DEFB124: variants seen among roughly 807,000 people sequenced by gnomAD.
DEFB124 encodes beta-defensin 124.
For missense variants in DEFB124, 78 were observed against 83.1 expected, an observed-to-expected ratio of 0.94 and a Z score of 0.24; for synonymous variants, 38 against 36.5, an observed-to-expected ratio of 1.04 and a Z score of -0.15.
At chr20:31,466,237 A>G (rs1429952026) in intron 2 of DEFB124, among the ~76,000 whole-genome samples, 1 of 152,182 alleles carries the variant, frequency 6.6e-6, no homozygotes, top group Non-Finnish European at 1.5e-5. Flanking sequence ...TAACAGTGCT[A>G]TACGATTATA....
chr20:31,473,810 G>T lies in DEFB124; in HGVS notation c.-25-772C>A, dbSNP rs867551663. Among the ~76,000 whole-genome samples, 9 of 152,344 alleles carry T rather than the reference G, an allele frequency of 5.9e-5. 1 individual carries two copies. The Middle Eastern group carries it at 0.024, about 403-fold the overall frequency. On this transcript the variant is annotated intron_variant, in intron 1 of 2. Transcript: ENST00000317676. ...GTCATTTGTTAGATCACTAGTCATA[G>T]ATGAGAGTATGGGTGGGTCCCGGCA...
intron 2 of DEFB124, among the ~76,000 whole-genome samples, chr20:31,471,442 G>T (rs1220032206): frequency 1.6e-5 from 2 of 129,010 alleles, no homozygotes; most frequent in Admixed American, 1.4e-4. Flanking sequence ...GGACGGGGCG[G>T]CTGGCCGGGC....
intron 2 of DEFB124, among the ~76,000 whole-genome samples, chr20:31,469,656 G>C (rs1389842844): frequency 1.3e-5 from 2 of 148,390 alleles, no homozygotes; most frequent in Non-Finnish European, 3.0e-5. Flanking sequence ...GATTCTTAAC[G>C]AGCATGCTGC....
intron 2 of DEFB124, among the ~76,000 whole-genome samples, chr20:31,469,226 C>T (rs894847270): frequency 6.6e-6 from 1 of 151,970 alleles, no homozygotes; most frequent in African/African-American, 2.4e-5. Flanking sequence ...AGATCTAGAC[C>T]AGCCTGACCA....
At chr20:31,465,998 A>T (rs111860051) in intron 2 of DEFB124, among the ~76,000 whole-genome samples, 12,536 of 151,818 alleles carry the variant, frequency 0.083, 619 homozygotes, top group Non-Finnish European at 0.11. Flanking sequence ...CTCTACCAAA[A>T]ATACAAAAAT....
chr20:31,470,730 C>A (rs1449384203), intron 2 of DEFB124, among the ~76,000 whole-genome samples: 1 of 136,910 alleles, frequency 7.3e-6, no homozygotes, highest in African/African-American at 2.8e-5. Context: ...CCCTCCCGGA[C>A]GGGGTGGCTG....
rs200382148 is a variant in DEFB124 at position 31,465,675 on chromosome 20, A to G, written c.59-12T>C. On this transcript the variant is annotated splice_polypyrimidine_tract_variant and intron_variant, in intron 2 of 2. Coordinates refer to ENST00000317676, the MANE Select transcript of DEFB124 (RefSeq NM_001037500.2). The stretch of plus-strand genomic sequence containing the variant: ...GAATTCACTTCTCCCTAAACAGAGG[A>G]AAACCACAGGTCACAGAGCAGCCCA... 1.9e-6 allele frequency: 3 copies of G among 1,612,682 alleles called. No individual in the cohort carries two copies. In the East Asian group the frequency reaches 6.7e-5, roughly 36 times the overall value.
rs185199295 is a variant in DEFB124 at position 31,471,166 on chromosome 20, C to T, written c.58+1790G>A. On this transcript the variant is annotated intron_variant, in intron 2 of 2. Transcript: ENST00000317676. ...CCCCCCACCTCCCTCCCGGACGAGGCGGCTGGCTGGGCGGGGGGCTGACTC... is the reference window on the plus strand; with the variant it reads ...CCCCCCACCTCCCTCCCGGACGAGGTGGCTGGCTGGGCGGGGGGCTGACTC... 4.2e-3 allele frequency among the ~76,000 whole-genome samples: 545 copies of T among 130,698 alleles called. 11 individuals carry two copies. The highest frequency in any genetic ancestry group is 4.2e-3 in the Non-Finnish European group (253 of 60,830). 85.7% of individuals were successfully genotyped at this position (130,698 alleles called of 152,430 possible).
chr20:31,465,646 G>A lies in DEFB124; in HGVS notation c.76C>T (p.Arg26Trp), dbSNP rs757440748. ...HVPSGRSEFK[R>W]CWKGQGACQT... ...CAGGCCCCTTGACCCTTCCAGCACC[G>A]TTTGAATTCACTTCTCCCTAAACAG... Residue 26 changes from arginine to tryptophan, a missense_variant, in exon 3 of 3, where the codon CGG becomes TGG. Coordinates refer to ENST00000317676, the MANE Select transcript of DEFB124 (RefSeq NM_001037500.2). The A allele has an allele frequency of 3.3e-5, 54 of 1,613,634 alleles. No individual in the cohort carries two copies. The highest frequency in any genetic ancestry group is 4.3e-5 in the Non-Finnish European group (51 of 1,180,016).
intron 2 of DEFB124, among the ~76,000 whole-genome samples, chr20:31,470,288 T>C (rs1334451474): frequency 7.1e-6 from 1 of 140,520 alleles, no homozygotes; most frequent in African/African-American, 2.7e-5. Flanking sequence ...ACGGGGCGGC[T>C]GGCCGGGCAG....
At position 31,474,688 on chromosome 20, in the gene DEFB124, TCAGGCC is replaced by T. The variant is rs1451838840; in HGVS notation, c.-93_-88del. On this transcript the variant is annotated 5_prime_UTR_variant, in exon 1 of 3. An upstream open reading frame in the 5' UTR gains an earlier in-frame stop. Transcript: ENST00000317676. ...AACAGTAGACAGAGTGGCAGAGACC[TCAGGCC>T]CAGGCCCAGCTAAGCCTCAGTTGGT... 6.6e-6 allele frequency among the ~76,000 whole-genome samples: 1 copy of T among 152,156 alleles called. No individual in the cohort carries two copies.
chr20:31,469,235 C>T (rs1160905395), intron 2 of DEFB124, among the ~76,000 whole-genome samples: 1 of 151,984 alleles, frequency 6.6e-6, no homozygotes, highest in Admixed American at 6.6e-5. Context: ...CCAGCCTGAC[C>T]AACATGGTGA....
chr20:31,471,574 C>A (rs1267922395), intron 2 of DEFB124, among the ~76,000 whole-genome samples: 1 of 149,442 alleles, frequency 6.7e-6, no homozygotes, highest in Non-Finnish European at 1.5e-5. Context: ...GACGGGGCGG[C>A]TGCCGGGCGG....
intron 1 of DEFB124, among the ~76,000 whole-genome samples, chr20:31,473,968 G>A (rs1980405194): frequency 1.3e-5 from 2 of 152,140 alleles, no homozygotes; most frequent in African/African-American, 2.4e-5. Flanking sequence ...TGAAAGATGA[G>A]TAGGGGAAAA....
At chr20:31,467,573 A>G (rs1257254135) in intron 2 of DEFB124, among the ~76,000 whole-genome samples, 1 of 152,210 alleles carries the variant, frequency 6.6e-6, no homozygotes, top group Non-Finnish European at 1.5e-5. Context: ...CTCAATAAAT[A>G]GGAGGCAAGA....
intron 2 of DEFB124, among the ~76,000 whole-genome samples, chr20:31,470,087 C>T (rs1289882023): frequency 7.7e-6 from 1 of 129,706 alleles, no homozygotes; most frequent in Non-Finnish European, 1.6e-5. Flanking sequence ...GCTGACCCCC[C>T]CACCTCCCTC....
chr20:31,470,875 G>A (rs1195079643), intron 2 of DEFB124, among the ~76,000 whole-genome samples: 2 of 140,256 alleles, frequency 1.4e-5, no homozygotes, highest in African/African-American at 2.7e-5. Context: ...CTGGCCGGGC[G>A]GGGGGCTGAG....
intron 2 of DEFB124, among the ~76,000 whole-genome samples, chr20:31,468,600 C>T (rs978716230): frequency 1.3e-5 from 2 of 151,800 alleles, no homozygotes; most frequent in Non-Finnish European, 2.9e-5. Context: ...CTCAGCCTCC[C>T]GAGTAGCTGG....
At chr20:31,470,592 C>T (rs1286787942) in intron 2 of DEFB124, among the ~76,000 whole-genome samples, 7 of 112,310 alleles carry the variant, frequency 6.2e-5, no homozygotes, top group Non-Finnish European at 8.9e-5. Context: ...GGCGGCTGGC[C>T]GGGCGGGGGG....
Sources: gnomAD v4.1 joint callset for allele counts (sites outside exome capture counted in the v4.1 genomes callset) on GRCh38, gnomAD v4.1.1 for gene constraint, MANE v1.5 for transcripts, NCBI Gene and HGNC (gene_info 2026-07-23, HGNC 2026-07-21) for gene names.